Variants in LRRN3 observed in about 807,000 individuals in gnomAD.
LRRN3 encodes the protein leucine rich repeat neuronal 3, also known as leucine-rich repeat neuronal protein 3.
In LRRN3, 15 loss-of-function variants were observed where a neutral mutation model predicts 40.1. The ratio of observed to expected loss-of-function variants is 0.37; its 90% CI spans 0.25 to 0.58. The LOEUF (loss-of-function observed/expected upper bound fraction) is 0.58. Ranked by LOEUF, LRRN3 falls within the 20% of genes least tolerant of loss-of-function variation. The pLI is 0.72. For synonymous variants in LRRN3, 308 were observed against 297.2 expected, an observed-to-expected ratio of 1.04 and a Z score of -0.37; for missense variants, 746 against 837.7, an observed-to-expected ratio of 0.89 and a Z score of 1.35.
chr7:111,117,999 C>T (rs974758357), intron 2 of LRRN3, among the ~76,000 whole-genome samples: 3 of 152,090 alleles, frequency 2.0e-5, no homozygotes, highest in African/African-American at 7.2e-5. Context: ...CACATGTCCT[C>T]ACTATACCCC....
intron 2 of LRRN3, among the ~76,000 whole-genome samples, chr7:111,111,299 T>TAAAA (rs751990466): frequency 2.2e-5 from 2 of 92,250 alleles, no homozygotes; most frequent in South Asian, 3.4e-4. Flanking sequence ...GTAGCAGTTG[T>TAAAA]AAAAAAAAAA....
At chr7:111,108,491 T>C (rs1012544164) in intron 2 of LRRN3, among the ~76,000 whole-genome samples, 1 of 152,092 alleles carries the variant, frequency 6.6e-6, no homozygotes, top group African/African-American at 2.4e-5. Flanking sequence ...TAAAAATCAA[T>C]TGAAAACTAT....
In LRRN3 at chr7:111,099,257, T is replaced by C. The variant is rs185182769; in HGVS notation, c.-440-624T>C. 8.2e-4 allele frequency among the ~76,000 whole-genome samples: 124 copies of C among 151,834 alleles called. 1 individual carries two copies. Among genetic ancestry groups the C allele is most frequent in the Non-Finnish European group, 1.2e-4 (8 of 67,770 alleles). ...TTATTTATAATAAGCTTTCCTTGTATCTAGTTCCAAATTTTAGACACTTTT... is the reference window on the plus strand; with the variant it reads ...TTATTTATAATAAGCTTTCCTTGTACCTAGTTCCAAATTTTAGACACTTTT... On this transcript the variant is annotated intron_variant, in intron 1 of 2. Transcript: ENST00000308478.
At chr7:111,111,828 A>G (rs999797700) in intron 2 of LRRN3, among the ~76,000 whole-genome samples, 5 of 151,696 alleles carry the variant, frequency 3.3e-5, no homozygotes, top group African/African-American at 9.7e-5. Context: ...CGACAAAAGG[A>G]GACCTTGTCT....
intron 1 of LRRN3, among the ~76,000 whole-genome samples, chr7:111,093,974 T>C (rs919940851): frequency 1.3e-5 from 2 of 152,160 alleles, no homozygotes; most frequent in African/African-American, 4.8e-5. Flanking sequence ...GTTAATGGCT[T>C]AATAAACGGT....
intron 1 of LRRN3, among the ~76,000 whole-genome samples, chr7:111,098,677 T>G (rs769290449): frequency 2.2e-4 from 33 of 151,858 alleles, no homozygotes; most frequent in Non-Finnish European, 4.3e-4. Flanking sequence ...CATTTAATCT[T>G]CATAACGACC....
At chr7:111,091,776 G>C (rs899797827) in intron 1 of LRRN3, among the ~76,000 whole-genome samples, 1 of 151,748 alleles carries the variant, frequency 6.6e-6, no homozygotes, top group Admixed American at 6.6e-5. Context: ...AGCAGTGTTG[G>C]GGGGAGGAGA....
intron 2 of LRRN3, among the ~76,000 whole-genome samples, chr7:111,111,921 T>TTATA (rs140449960): frequency 0.01 from 1,457 of 144,066 alleles, 26 homozygotes; most frequent in African/African-American, 0.034. Context: ...TATATTTTAT[T>TTATA]TATATATATA....
intron 2 of LRRN3, among the ~76,000 whole-genome samples, chr7:111,106,276 A>G (rs180859817): frequency 8.8e-4 from 134 of 152,064 alleles, no homozygotes; most frequent in African/African-American, 3.2e-3. Flanking sequence ...CAATTGAAGC[A>G]CAAGTCATTG....
chr7:111,121,760 T>C (rs372297994), intron 2 of LRRN3, among the ~76,000 whole-genome samples: 1 of 152,150 alleles, frequency 6.6e-6, no homozygotes, highest in East Asian at 1.9e-4. Flanking sequence ...AACATGCTGA[T>C]ATAAAGACAC....
At position 111,122,222 on chromosome 7, in the gene LRRN3, TA is replaced by T. The variant is rs199642974; in HGVS notation, c.-358-184del. 3.3e-5 allele frequency among the ~76,000 whole-genome samples: 5 copies of T among 150,048 alleles called. No individual in the cohort carries two copies. The East Asian group carries it at 5.9e-4, about 18-fold the overall frequency. ...ATGTACCCTAAAACTTAAAGTATAATAAAAAAAAAGAATTATCAAGGACAGT... is the reference window on the plus strand; with the variant it reads ...ATGTACCCTAAAACTTAAAGTATAATAAAAAAAAGAATTATCAAGGACAGT... On this transcript the variant is annotated intron_variant, in intron 2 of 2. Coordinates refer to ENST00000308478, the MANE Select transcript of LRRN3 (RefSeq NM_001099658.2).
intron 2 of LRRN3, among the ~76,000 whole-genome samples, chr7:111,111,741 A>T (rs897878248): frequency 9.2e-5 from 14 of 151,972 alleles, no homozygotes; most frequent in African/African-American, 3.1e-4. Flanking sequence ...TACATAAAGT[A>T]GTCCTACATA....
At chr7:111,112,572 C>A (rs1799365495) in intron 2 of LRRN3, among the ~76,000 whole-genome samples, 1 of 152,138 alleles carries the variant, frequency 6.6e-6, no homozygotes, top group African/African-American at 2.4e-5. Context: ...TCAAAGCTTA[C>A]AGTGGAATGT....
Position 111,124,077 on chromosome 7 carries a change from A to C in LRRN3, c.1305A>C (p.Glu435Asp). The C allele has an allele frequency of 6.2e-7, 1 of 1,614,022 alleles. No individual in the cohort carries two copies. Among genetic ancestry groups the C allele is most frequent in the Non-Finnish European group, 8.5e-7 (1 of 1,179,956 alleles). Reference protein sequence around the residue: ...PESFPSNLNVEAGSYVSFHCR... With the variant: ...PESFPSNLNVDAGSYVSFHCR... ...GCTTTCCTTCTAATCTAAATGTAGA[A>C]GCTGGGAGCTATGTTTCCTTTCACT... is the stretch of plus-strand genomic sequence containing the variant. Residue 435 changes from glutamate (E) to aspartate (D), a missense_variant, in exon 3 of 3, where the codon GAA becomes GAC. Physicochemically the swap from Glu to Asp is conservative, Grantham distance 45. Coordinates refer to ENST00000308478, the MANE Select transcript of LRRN3 (RefSeq NM_001099658.2).
chr7:111,123,311 A>C lies in LRRN3; in HGVS notation c.539A>C (p.Asn180Thr), dbSNP rs759192602. The change falls in exon 3 of 3, where the codon AAC becomes ACC. Residue 180 changes from asparagine (N) to threonine (T), a missense_variant. Asn to Thr is a moderately conservative substitution (Grantham distance 65, BLOSUM62 0). Transcript: ENST00000308478. The surrounding 1 kb of genome is among the most constrained non-coding windows in gnomAD (Gnocchi z 6.4). ...HLNSNRLQMI[N>T]SKWFDALPNL... ...AATTCAAATAGATTGCAGATGATCAACAGTAAGTGGTTTGATGCTCTTCCA... is the reference window on the plus strand; with the variant it reads ...AATTCAAATAGATTGCAGATGATCACCAGTAAGTGGTTTGATGCTCTTCCA... The C allele has an allele frequency of 3.1e-6, 5 of 1,613,890 alleles. No homozygotes were observed. The Admixed American group carries it at 6.7e-5, about 22-fold the overall frequency.
chr7:111,119,817 G>A (rs1200605201), intron 2 of LRRN3, among the ~76,000 whole-genome samples: 1 of 152,162 alleles, frequency 6.6e-6, no homozygotes, highest in African/African-American at 2.4e-5. Flanking sequence ...TTAGTGCCTG[G>A]TGAAGGAAAG....
rs954591878 is a variant in LRRN3 at position 111,123,873 on chromosome 7, T to A, written c.1101T>A (p.Ser367Arg). 1.9e-6 allele frequency: 3 copies of A among 1,613,844 alleles called. No homozygotes were observed. The Admixed American group carries it at 5.0e-5, about 27-fold the overall frequency. The change falls in exon 3 of 3, where the codon AGT (serine) becomes AGA (arginine). Residue 367 changes from serine (S) to arginine (R), a missense_variant. Ser to Arg is a moderately radical substitution (Grantham distance 110). Transcript: ENST00000308478. The surrounding 1 kb of genome is among the most constrained non-coding windows in gnomAD (Gnocchi z 6.4). ...ACCTCAAGGAAATCAGCATACACAG[T>A]AACCCCATCAGGTGTGACTGTGTCA... ...LPNLKEISIH[S>R]NPIRCDCVIR...
chr7:111,101,396 T>C (rs1563242991), intron 2 of LRRN3, among the ~76,000 whole-genome samples: 2 of 151,416 alleles, frequency 1.3e-5, no homozygotes, highest in Admixed American at 6.6e-5. Flanking sequence ...CAAACTCACT[T>C]GGGTACTTTT....
In LRRN3 at chr7:111,118,558, C is replaced by T. The variant is rs1020629817; in HGVS notation, c.-358-3857C>T. Among the ~76,000 whole-genome samples, 3 of 152,100 alleles carry T rather than the reference C, an allele frequency of 2.0e-5. No homozygotes were observed. In the South Asian group the frequency reaches 6.2e-4, roughly 32 times the overall value. ...AGGCAGATGGGTCTCAATAACCTTACATTAAAAAGTGGAGATTAATGTACC... is the reference window on the plus strand; with the variant it reads ...AGGCAGATGGGTCTCAATAACCTTATATTAAAAAGTGGAGATTAATGTACC... On this transcript the variant is annotated intron_variant, in intron 2 of 2. Transcript: ENST00000308478.
Sources: allele counts gnomAD v4.1 joint callset (sites outside exome capture counted in the v4.1 genomes callset), GRCh38; gene constraint gnomAD v4.1.1; non-coding constraint Gnocchi (gnomAD v3.1); transcripts MANE v1.5; gene names NCBI Gene and HGNC (gene_info 2026-07-23, HGNC 2026-07-21).